The following PARP4 variants were observed in gnomAD, a reference collection of about 807,000 sequenced individuals.
The protein encoded by PARP4 is protein mono-ADP-ribosyltransferase PARP4.
Under a neutral mutation model 187.7 loss-of-function variants are expected in PARP4, and 120 were observed. The observed-to-expected ratio is 0.64, with a 90% CI of 0.55 to 0.74. PARP4 has a LOEUF of 0.74. Ranked by LOEUF, PARP4 falls within the 30% of genes least tolerant of loss-of-function variation. The pLI, the probability that PARP4 is intolerant of heterozygous loss-of-function variation, is 0.00. For synonymous variants in PARP4, 654 were observed against 740.9 expected, an observed-to-expected ratio of 0.88 and a Z score of 1.90; for missense variants, 1,836 against 2,070.5, an observed-to-expected ratio of 0.89 and a Z score of 2.20.
chr13:24,424,692 G>A (rs1322941990), intron 33 of PARP4, among the ~76,000 whole-genome samples: 1 of 58,502 alleles, frequency 1.7e-5, no homozygotes. Context: ...TTTTTTTTGA[G>A]ACGGAGTCTC....
rs1490171704 is a variant in PARP4 at position 24,501,625 on chromosome 13, A to G, written c.334+8T>C. The stretch of plus-strand genomic sequence containing the variant: ...TGATACGTTAAATGCTTGCTATGAA[A>G]TACCTACCAGAACTGCTCGCCTTCT... On this transcript the variant is annotated splice_region_variant and intron_variant, in intron 3 of 33. Coordinates refer to ENST00000381989, the MANE Select transcript of PARP4 (RefSeq NM_006437.4). The G allele has an allele frequency of 1.3e-6, 2 of 1,599,282 alleles. No individual in the cohort carries two copies. Among genetic ancestry groups the G allele is most frequent in the African/African-American group, 2.7e-5 (2 of 74,526 alleles).
At position 24,441,916 on chromosome 13, in the gene PARP4, G is replaced by C; in HGVS notation, c.3596C>G (p.Ala1199Gly). Reference sequence around the variant, plus strand: ...GGGCAGGAAGTCTACATCTTCTTTGGCAATAAGTTCAGAAACTTTTGGAAT... The same window carrying C: ...GGGCAGGAAGTCTACATCTTCTTTGCCAATAAGTTCAGAAACTTTTGGAAT... ...PDIPKVSELI[A>G]KEDVDFLPYM... The change falls in exon 30 of 34, where the codon GCC (alanine) becomes GGC (glycine). Residue 1199 changes from alanine (A) to glycine (G), a missense_variant. By Grantham distance (60) the Ala-to-Gly change is moderately conservative (BLOSUM62 0). Coordinates refer to ENST00000381989, the MANE Select transcript of PARP4 (RefSeq NM_006437.4). The C allele has an allele frequency of 1.9e-6, 3 of 1,609,938 alleles. No individual in the cohort carries two copies. The highest frequency in any genetic ancestry group is 1.7e-6 in the Non-Finnish European group (2 of 1,178,118).
At chr13:24,472,868 C>T (rs1330977225) in intron 15 of PARP4, among the ~76,000 whole-genome samples, 1 of 145,736 alleles carries the variant, frequency 6.9e-6, no homozygotes, top group Non-Finnish European at 1.5e-5. Context: ...GTGGGATTTT[C>T]TCCTTCTCTT....
In PARP4 at chr13:24,443,710, G is replaced by A; in HGVS notation, c.3387C>T (p.Ala1129=). 2 of 1,613,490 alleles carry A rather than the reference G, an allele frequency of 1.2e-6. No individual in the cohort carries two copies. ...TTGTMIHKLA[A]RALIRDYEDG... is the part of the protein sequence containing the mutation. Reference sequence around the variant, plus strand: ...CTTCATAATCTCTGATTAGAGCTCGGGCTGCCAGCTTGTGGATCATCTGTG... The same window carrying A: ...CTTCATAATCTCTGATTAGAGCTCGAGCTGCCAGCTTGTGGATCATCTGTG... Residue 1129 remains alanine, a synonymous_variant, in exon 28 of 34, where the codon GCC becomes GCT. Coordinates refer to ENST00000381989, the MANE Select transcript of PARP4 (RefSeq NM_006437.4).
intron 33 of PARP4, among the ~76,000 whole-genome samples, chr13:24,424,930 A>T (rs113603781): frequency 6.7e-6 from 1 of 150,220 alleles, no homozygotes; most frequent in African/African-American, 2.4e-5. Flanking sequence ...TGATCTGCCC[A>T]CCTCGGCCTC....
chr13:24,503,151 G>A (rs1183341338), intron 2 of PARP4, among the ~76,000 whole-genome samples: 12 of 152,204 alleles, frequency 7.9e-5, no homozygotes, highest in Non-Finnish European at 1.6e-4. Flanking sequence ...GAGGCAGAAG[G>A]TAAATTCCTG....
chr13:24,441,554 T>C (rs1274907126), intron 30 of PARP4, among the ~76,000 whole-genome samples: 1 of 152,298 alleles, frequency 6.6e-6, no homozygotes, highest in Non-Finnish European at 1.5e-5. Context: ...ACAAACCTAT[T>C]ATACTACCTA....
At chr13:24,467,302 GCTAGACCTCTAT>G (rs2137495259) in intron 17 of PARP4, among the ~76,000 whole-genome samples, 1 of 152,262 alleles carries the variant, frequency 6.6e-6, no homozygotes, top group South Asian at 2.1e-4. Flanking sequence ...GGGATTACGA[GCTAGACCTCTAT>G]CTTTACAAAC....
rs1870512187 is a variant in PARP4, at chr13:24,434,608, A to G, written c.4533T>C (p.Ser1511=). 2 of 1,611,962 alleles carry G rather than the reference A, an allele frequency of 1.2e-6. No individual in the cohort carries two copies. The highest frequency in any genetic ancestry group is 3.3e-5 in the Admixed American group (2 of 59,914). ...LEESVGSLEG[S]RCPVFAFQSS... ...TTTGAAAAGCAAAGACAGGACATCGACTTCCTTCGAGACTGCCTACTGATT... is the reference window on the plus strand; with the variant it reads ...TTTGAAAAGCAAAGACAGGACATCGGCTTCCTTCGAGACTGCCTACTGATT... Residue 1511 remains serine, a synonymous_variant, in exon 31 of 34, where the codon AGT becomes AGC. Transcript: ENST00000381989.
At chr13:24,446,894 C>T in intron 26 of PARP4, 122 bp downstream of exon 26, 1 of 1,411,478 alleles carries the variant, frequency 7.1e-7, no homozygotes. Flanking sequence ...CCCTGGCTAA[C>T]CACCAGCTGT....
At chr13:24,490,919 A>G (rs763005058) in intron 9 of PARP4, 91 bp from the exon 10 acceptor site, 6 of 1,193,444 alleles carry the variant, frequency 5.0e-6, no homozygotes, top group Non-Finnish European at 7.1e-6. Flanking sequence ...AAAGATAGGA[A>G]AAGTCCATTT....
chr13:24,481,836 C>G (rs1391638580), intron 12 of PARP4, among the ~76,000 whole-genome samples: 1 of 152,186 alleles, frequency 6.6e-6, no homozygotes, highest in Non-Finnish European at 1.5e-5. Context: ...TGTACTCTCA[C>G]CTGGGCAATA....
Position 24,421,135 on chromosome 13 carries a change from T to C in PARP4, c.5159A>G (p.His1720Arg), listed in dbSNP as rs1192227800. 2.2e-5 allele frequency: 32 copies of C among 1,455,912 alleles called. No individual in the cohort carries two copies. Among genetic ancestry groups the C allele is most frequent in the Non-Finnish European group, 2.9e-5 (32 of 1,092,072 alleles). The allele number at this position is 1,455,912 out of a possible 1,614,324, so 90.2% of individuals were successfully genotyped here. A position where few individuals can be genotyped will look rare whatever the true frequency, so the allele number is the denominator to read the frequency against. The part of the protein sequence containing the change: ...STVSPLHRVL[H>R]YSQG ...TCATTTGACTTAGCCTTGACTGTAATGGAGGACTCTATGAAGAGGGGACAC... is the reference window on the plus strand; with the variant it reads ...TCATTTGACTTAGCCTTGACTGTAACGGAGGACTCTATGAAGAGGGGACAC... Residue 1720 changes from histidine to arginine, a missense_variant, in exon 34 of 34, where the codon CAT becomes CGT. His to Arg is a conservative substitution (Grantham distance 29). Coordinates refer to ENST00000381989, the MANE Select transcript of PARP4 (RefSeq NM_006437.4).
At chr13:24,483,850 C>A (rs1873411677) in intron 12 of PARP4, among the ~76,000 whole-genome samples, 1 of 152,208 alleles carries the variant, frequency 6.6e-6, no homozygotes, top group Non-Finnish European at 1.5e-5. Flanking sequence ...TGGTCTCGAA[C>A]TCCTGGCCTC....
At chr13:24,425,468 C>G (rs2137428847) in intron 33 of PARP4, among the ~76,000 whole-genome samples, 1 of 152,010 alleles carries the variant, frequency 6.6e-6, no homozygotes, top group East Asian at 1.9e-4. Flanking sequence ...ATTAGTTTTC[C>G]CCTTATCTTG....
chr13:24,471,608 C>T (rs1421224683), intron 15 of PARP4, among the ~76,000 whole-genome samples: 3 of 152,144 alleles, frequency 2.0e-5, no homozygotes, highest in African/African-American at 4.8e-5. Context: ...ATCTACACCC[C>T]AGCCTCTGCT....
At chr13:24,481,488 T>C (rs1161084869) in intron 12 of PARP4, among the ~76,000 whole-genome samples, 4 of 152,052 alleles carry the variant, frequency 2.6e-5, no homozygotes, top group African/African-American at 9.7e-5. Context: ...AGGTCAGGAG[T>C]TCGAGACCAG....
At chr13:24,496,892 G>C (rs531804417) in intron 6 of PARP4, among the ~76,000 whole-genome samples, 4 of 152,230 alleles carry the variant, frequency 2.6e-5, no homozygotes, top group African/African-American at 9.6e-5. Flanking sequence ...GCGTGGCAGC[G>C]CATGCCTGTA....
intron 30 of PARP4, among the ~76,000 whole-genome samples, chr13:24,437,821 G>A (rs1420043456): frequency 1.5e-5 from 2 of 136,792 alleles, no homozygotes; most frequent in Non-Finnish European, 3.1e-5. Context: ...CTGCACCCCA[G>A]CCTGGGTGAC....
Sources: gnomAD v4.1 joint callset for allele counts (sites outside exome capture counted in the v4.1 genomes callset) on GRCh38, gnomAD v4.1.1 for gene constraint, MANE v1.5 for transcripts, NCBI Gene and HGNC (gene_info 2026-07-23, HGNC 2026-07-21) for gene names.